The following UBE2E2 variants were observed in gnomAD, a reference collection of about 807,000 sequenced individuals.
UBE2E2 encodes ubiquitin-conjugating enzyme E2 E2.
In UBE2E2, 6 loss-of-function variants were observed where a neutral mutation model predicts 24.7. The ratio of observed to expected loss-of-function variants is 0.24; its 90% CI spans 0.13 to 0.48. The LOEUF is 0.48. Ranked by LOEUF, UBE2E2 falls within the 20% of genes least tolerant of loss-of-function variation. The pLI, the probability that UBE2E2 is intolerant of heterozygous loss-of-function variation, is 0.99. For missense variants in UBE2E2, 169 were observed against 245.0 expected (o/e 0.69, Z 2.07); for synonymous variants, 104 against 83.6 (o/e 1.24, Z -1.33).
intron 3 of UBE2E2, among the ~76,000 whole-genome samples, chr3:23,484,743 G>A (rs183516915): frequency 1.5e-3 from 231 of 152,302 alleles, no homozygotes; most frequent in African/African-American, 5.3e-3. Context: ...GGTGAAGGGG[G>A]AGCAAAGGCA....
intron 3 of UBE2E2, among the ~76,000 whole-genome samples, chr3:23,301,360 C>T (rs1699083640): frequency 6.6e-6 from 1 of 152,192 alleles, no homozygotes; most frequent in South Asian, 2.1e-4. Flanking sequence ...GAGAGGCACT[C>T]TGATTTTTAG....
At chr3:23,436,285 G>C (rs1389126581) in intron 3 of UBE2E2, among the ~76,000 whole-genome samples, 2 of 152,154 alleles carry the variant, frequency 1.3e-5, no homozygotes, top group Non-Finnish European at 2.9e-5. Flanking sequence ...CTAGAGTTCT[G>C]ATTGTGAACT....
At chr3:23,420,097 G>A (rs564846089) in intron 3 of UBE2E2, among the ~76,000 whole-genome samples, 1 of 152,326 alleles carries the variant, frequency 6.6e-6, no homozygotes, top group Admixed American at 6.5e-5. Context: ...ATTTGAACAA[G>A]TAGCCCTCAT....
intron 3 of UBE2E2, among the ~76,000 whole-genome samples, chr3:23,342,030 G>A (rs1695402780): frequency 6.6e-6 from 1 of 152,180 alleles, no homozygotes; most frequent in Non-Finnish European, 1.5e-5. Flanking sequence ...AGCATTAGGT[G>A]TTTACAAAAT....
At chr3:23,528,308 T>C (rs1313469524) in intron 4 of UBE2E2, among the ~76,000 whole-genome samples, 2 of 152,202 alleles carry the variant, frequency 1.3e-5, no homozygotes, top group Non-Finnish European at 2.9e-5. Flanking sequence ...TGTTTGGTTC[T>C]TAGTCTTATT....
At chr3:23,538,847 T>C (rs1206687407) in intron 5 of UBE2E2, among the ~76,000 whole-genome samples, 2 of 152,238 alleles carry the variant, frequency 1.3e-5, no homozygotes, top group East Asian at 3.8e-4. Flanking sequence ...TTAAATGATA[T>C]TAAAAGGATT....
intron 3 of UBE2E2, among the ~76,000 whole-genome samples, chr3:23,416,298 C>T (rs1006074707): frequency 5.9e-5 from 9 of 152,252 alleles, no homozygotes; most frequent in African/African-American, 1.9e-4. Flanking sequence ...TTTATTTCTC[C>T]TTTGCTTATG....
At chr3:23,255,107 G>GA (rs1193997486) in intron 3 of UBE2E2, among the ~76,000 whole-genome samples, 1 of 98,814 alleles carries the variant, frequency 1.0e-5, no homozygotes, top group Non-Finnish European at 1.9e-5. Context: ...TTTTTTTTGA[G>GA]ACAGGGCCTC....
chr3:23,567,376 A>T (rs960705805), intron 5 of UBE2E2, among the ~76,000 whole-genome samples: 2 of 152,204 alleles, frequency 1.3e-5, no homozygotes, highest in African/African-American at 4.8e-5. Flanking sequence ...AAACAACAGT[A>T]TGTTCGAGTT....
intron 4 of UBE2E2, among the ~76,000 whole-genome samples, chr3:23,509,926 C>T (rs1435898798): frequency 2.0e-5 from 3 of 152,082 alleles, no homozygotes; most frequent in Non-Finnish European, 1.5e-5. Context: ...TTTATGGCCG[C>T]ATAGTATTCC....
chr3:23,526,283 A>C (rs1299745360), intron 4 of UBE2E2, among the ~76,000 whole-genome samples: 1 of 152,230 alleles, frequency 6.6e-6, no homozygotes. Context: ...TATAACCTGT[A>C]GGAAAATTTA....
At chr3:23,579,712 G>A (rs1268153924) in intron 5 of UBE2E2, among the ~76,000 whole-genome samples, 3 of 151,680 alleles carry the variant, frequency 2.0e-5, no homozygotes, top group East Asian at 1.9e-4. Context: ...AAAAAAAAAA[G>A]AAAAAAGAAT....
rs570476751 is a variant in UBE2E2 at position 23,258,420 on chromosome 3, T to C, written c.227+41108T>C. 7.4e-4 allele frequency among the ~76,000 whole-genome samples: 113 copies of C among 152,336 alleles called. 2 individuals carry two copies. The highest frequency in any genetic ancestry group is 9.0e-4 in the Non-Finnish European group (61 of 68,032). On this transcript the variant is annotated intron_variant, in intron 3 of 5. Transcript: ENST00000396703. The stretch of plus-strand genomic sequence containing the variant: ...TAAACATGTTCGTATCAACGGACTT[T>C]AGTATGGCCTGTTGAAAAAAGTCAC...
At chr3:23,558,967 ATTAG>A (rs1271619006) in intron 5 of UBE2E2, among the ~76,000 whole-genome samples, 1 of 152,208 alleles carries the variant, frequency 6.6e-6, no homozygotes, top group Non-Finnish European at 1.5e-5. Context: ...TATTCCCATA[ATTAG>A]TTATTATCAT....
intron 1 of UBE2E2, 95 bp downstream of exon 1, chr3:23,203,559 A>C (rs1323964786): frequency 1.3e-6 from 1 of 771,572 alleles, no homozygotes; most frequent in Non-Finnish European, 1.5e-6. Context: ...TCCGCGTCGC[A>C]GGTCTCTGCT....
Position 23,237,835 on chromosome 3 carries a change from T to C in UBE2E2, c.227+20523T>C, listed in dbSNP as rs1372966478. On this transcript the variant is annotated intron_variant, in intron 3 of 5. Coordinates refer to ENST00000396703, the MANE Select transcript of UBE2E2 (RefSeq NM_152653.4). ...CCTTACTTAAACCAAAAAATATGCT[T>C]TACAATGCAATTTCTAACAGGGTCT... 2.6e-5 allele frequency among the ~76,000 whole-genome samples: 4 copies of C among 152,158 alleles called. No homozygotes were observed. In the South Asian group the frequency reaches 8.3e-4, roughly 31 times the overall value.
chr3:23,590,859 A>G lies in UBE2E2; in HGVS notation c.*1028A>G, dbSNP rs1696744301. 6.6e-6 allele frequency: 1 copy of G among 152,220 alleles called. No individual in the cohort carries two copies. The highest frequency in any genetic ancestry group is 6.5e-5 in the Admixed American group (1 of 15,280). The allele number at this position is 152,220 out of a possible 1,614,324, so 9.4% of individuals were successfully genotyped here. On this transcript the variant is annotated 3_prime_UTR_variant, in exon 6 of 6. Coordinates refer to ENST00000396703, the MANE Select transcript of UBE2E2 (RefSeq NM_152653.4). Reference sequence around the variant, plus strand: ...AACAATTAAAATATGTAACTCCAAAAATAGCCTTCTTGTGAAAGTGAAGTC... The same window carrying G: ...AACAATTAAAATATGTAACTCCAAAGATAGCCTTCTTGTGAAAGTGAAGTC...
intron 2 of UBE2E2, among the ~76,000 whole-genome samples, chr3:23,209,294 C>T (rs1267648505): frequency 6.6e-6 from 1 of 152,154 alleles, no homozygotes; most frequent in Admixed American, 6.5e-5. Flanking sequence ...TTGGTAAAGT[C>T]AGAAATGCTG....
chr3:23,528,263 G>T (rs893278232), intron 4 of UBE2E2, among the ~76,000 whole-genome samples: 7 of 152,178 alleles, frequency 4.6e-5, no homozygotes, highest in African/African-American at 1.4e-4. Context: ...GCCCTTCAGT[G>T]GGTAAATGGG....
Sources: gnomAD v4.1 joint callset for allele counts (sites outside exome capture counted in the v4.1 genomes callset) on GRCh38, gnomAD v4.1.1 for gene constraint, MANE v1.5 for transcripts, NCBI Gene and HGNC (gene_info 2026-07-23, HGNC 2026-07-21) for gene names.